TRHDE: variants seen among roughly 807,000 people sequenced by gnomAD.
TRHDE encodes the protein thyrotropin releasing hormone degrading enzyme.
A neutral mutation model predicts 125.7 loss-of-function variants in TRHDE; 72 were observed. The observed-to-expected ratio is 0.57, with a 90% CI of 0.47 to 0.70. The LOEUF is 0.70. Ranked by LOEUF, TRHDE falls within the 30% of genes least tolerant of loss-of-function variation. The pLI is 0.00. For synonymous variants in TRHDE, 509 were observed against 509.1 expected, an observed-to-expected ratio of 1.00 and a Z score of 0.00; for missense variants, 1,110 against 1,327.1, an observed-to-expected ratio of 0.84 and a Z score of 2.54.
intron 2 of TRHDE, among the ~76,000 whole-genome samples, chr12:72,372,972 A>C (rs1458031305): frequency 6.6e-6 from 1 of 152,182 alleles, no homozygotes; most frequent in Non-Finnish European, 1.5e-5. Context: ...TCTATAAATT[A>C]CCTTGGGCAG....
intron 12 of TRHDE, among the ~76,000 whole-genome samples, chr12:72,592,472 AT>A (rs1871725508): frequency 6.6e-6 from 1 of 151,920 alleles, no homozygotes; most frequent in Admixed American, 6.6e-5. Flanking sequence ...GATTTTTTTA[AT>A]GTATGTTCTA....
intron 12 of TRHDE, among the ~76,000 whole-genome samples, chr12:72,586,952 G>A (rs1285838589): frequency 1.3e-5 from 2 of 152,084 alleles, no homozygotes; most frequent in Non-Finnish European, 2.9e-5. Flanking sequence ...CTAAATTAGA[G>A]GGCAGTTATT....
chr12:72,391,792 G>A (rs1872620435), intron 3 of TRHDE, among the ~76,000 whole-genome samples: 1 of 152,044 alleles, frequency 6.6e-6, no homozygotes, highest in Non-Finnish European at 1.5e-5. Flanking sequence ...TTCTCTAGTG[G>A]ACAAAACCAA....
In TRHDE at chr12:72,152,303, C is replaced by T. The variant is rs1431747234; in HGVS notation, n.279+46551C>T. ...AGCTTAAGGAGATTTCGGGCTGAGA[C>T]GATGGGGTTTTCTAGATATACAATC... On this transcript the variant is annotated intron_variant and non_coding_transcript_variant, in intron 2 of 4. Coordinates refer to the TRHDE transcript ENST00000548156. Among the ~76,000 whole-genome samples the T allele has an allele frequency of 9.9e-5, 15 of 151,696 alleles. No homozygotes were observed. In the East Asian group the frequency reaches 1.7e-3, roughly 18 times the overall value.
intron 15 of TRHDE, among the ~76,000 whole-genome samples, chr12:72,639,298 G>A (rs1342007009): frequency 4.7e-5 from 7 of 150,476 alleles, no homozygotes; most frequent in Middle Eastern, 3.5e-3. Flanking sequence ...TGATTGCATC[G>A]GCTCCTGAGG....
intron 2 of TRHDE, among the ~76,000 whole-genome samples, chr12:72,153,883 G>A (rs906047556): frequency 2.0e-5 from 3 of 152,310 alleles, no homozygotes; most frequent in South Asian, 2.1e-4. Context: ...TTGATTTGGG[G>A]TGGAGAGTTC....
At chr12:72,127,506 T>C (rs1875745392) in intron 2 of TRHDE, among the ~76,000 whole-genome samples, 2 of 152,118 alleles carry the variant, frequency 1.3e-5, no homozygotes, top group Non-Finnish European at 2.9e-5. Context: ...TATGCAGCCA[T>C]GATAAAAATG....
chr12:72,399,843 C>T (rs1394924692), intron 3 of TRHDE, among the ~76,000 whole-genome samples: 1 of 152,046 alleles, frequency 6.6e-6, no homozygotes, highest in Non-Finnish European at 1.5e-5. Context: ...AAATGACTGA[C>T]AGATTTCTAG....
intron 2 of TRHDE, among the ~76,000 whole-genome samples, chr12:72,244,446 C>A (rs12316073): frequency 5.3e-4 from 81 of 152,184 alleles, no homozygotes; most frequent in African/African-American, 1.9e-3. Context: ...TAAAAATAAT[C>A]ATCATCCATG....
intron 15 of TRHDE, among the ~76,000 whole-genome samples, chr12:72,638,760 A>C (rs1433102355): frequency 2.0e-5 from 3 of 151,652 alleles, no homozygotes; most frequent in Non-Finnish European, 4.4e-5. Flanking sequence ...TCCTTCACTT[A>C]TGAAGCTTAG....
intron 6 of TRHDE, among the ~76,000 whole-genome samples, chr12:72,504,099 C>T (rs990197856): frequency 6.6e-6 from 1 of 152,022 alleles, no homozygotes; most frequent in Non-Finnish European, 1.5e-5. Flanking sequence ...ATACAAGATA[C>T]AGTCACGAGA....
At chr12:72,325,320 AAG>A (rs1452315897) in intron 2 of TRHDE, among the ~76,000 whole-genome samples, 1 of 152,090 alleles carries the variant, frequency 6.6e-6, no homozygotes, top group East Asian at 1.9e-4. Context: ...CTGCCCACTA[AAG>A]AGATTTAGAT....
chr12:72,121,857 G>A (rs961564808), intron 2 of TRHDE, among the ~76,000 whole-genome samples: 2 of 151,770 alleles, frequency 1.3e-5, no homozygotes, highest in African/African-American at 4.8e-5. Context: ...AGATTTGGAA[G>A]GTGGAAGTGT....
intron 5 of TRHDE, among the ~76,000 whole-genome samples, chr12:72,478,301 AG>A (rs1232789556): frequency 6.6e-6 from 1 of 152,166 alleles, no homozygotes; most frequent in Non-Finnish European, 1.5e-5. Context: ...AGAGACCATA[AG>A]GAAGTGGAAA....
chr12:72,428,365 T>C (rs565689146), intron 3 of TRHDE, among the ~76,000 whole-genome samples: 158 of 152,254 alleles, frequency 1.0e-3, no homozygotes, highest in African/African-American at 3.7e-3. Flanking sequence ...GTGTTTAAGA[T>C]GTATTTCTAT....
chr12:72,309,069 C>T (rs1592534498), intron 2 of TRHDE, among the ~76,000 whole-genome samples: 1 of 152,224 alleles, frequency 6.6e-6, no homozygotes, highest in East Asian at 1.9e-4. Context: ...TGGGTATTGA[C>T]AGATGCAAAA....
chr12:72,547,809 A>C (rs994514618), intron 7 of TRHDE, among the ~76,000 whole-genome samples: 1 of 151,876 alleles, frequency 6.6e-6, no homozygotes, highest in Non-Finnish European at 1.5e-5. Flanking sequence ...ATTGCAACTT[A>C]AGCAGAGTCA....
chr12:72,368,342 G>A (rs1239807273), intron 2 of TRHDE, among the ~76,000 whole-genome samples: 1 of 152,074 alleles, frequency 6.6e-6, no homozygotes, highest in Non-Finnish European at 1.5e-5. Flanking sequence ...TCTGACAACT[G>A]AATGTGTCTT....
At chr12:72,250,862 ATT>A (rs1555170862) in intron 2 of TRHDE, among the ~76,000 whole-genome samples, 1 of 144,262 alleles carries the variant, frequency 6.9e-6, no homozygotes, top group Admixed American at 6.9e-5. Context: ...ATATATATAT[ATT>A]TTATTTTTAT....
Sources: allele counts gnomAD v4.1 joint callset (sites outside exome capture counted in the v4.1 genomes callset), GRCh38; gene constraint gnomAD v4.1.1; transcripts MANE v1.5; gene names NCBI Gene and HGNC (gene_info 2026-07-23, HGNC 2026-07-21).